RBFOX1: variants seen among roughly 807,000 people sequenced by gnomAD.
RBFOX1 encodes the protein RNA binding fox-1 homolog 1, also known as RNA binding protein fox-1 homolog 1.
In RBFOX1, 8 loss-of-function variants were observed where a neutral mutation model predicts 57.7. The observed-to-expected ratio is 0.14, with a 90% confidence interval of 0.08 to 0.25. The LOEUF is 0.25. Ranked by LOEUF, RBFOX1 falls within the 10% of genes least tolerant of loss-of-function variation. RBFOX1 has a pLI of 1.00. For synonymous variants in RBFOX1, 326 were observed against 222.4 expected (o/e 1.47, Z -4.15); for missense variants, 611 against 548.5 (o/e 1.11, Z -1.14).
chr16:6,448,098 G>A (rs887974730), intron 2 of RBFOX1, among the ~76,000 whole-genome samples: 1 of 136,788 alleles, frequency 7.3e-6, no homozygotes, highest in South Asian at 2.4e-4. Context: ...TGTTCGTTTG[G>A]TTTTTTTATA....
chr16:6,925,986 A>C (rs1201296063), intron 3 of RBFOX1, among the ~76,000 whole-genome samples: 9 of 152,118 alleles, frequency 5.9e-5, no homozygotes, highest in African/African-American at 9.7e-5. Context: ...AACCATGTCA[A>C]CCGTCAGATC....
intron 4 of RBFOX1, among the ~76,000 whole-genome samples, chr16:7,461,761 C>T (rs931085990): frequency 6.6e-6 from 1 of 152,128 alleles, no homozygotes; most frequent in Non-Finnish European, 1.5e-5. Flanking sequence ...AGTTTCCCAG[C>T]CCTCGGAGGT....
intron 3 of RBFOX1, among the ~76,000 whole-genome samples, chr16:7,049,903 AT>A (rs1463575041): frequency 4.6e-5 from 7 of 152,188 alleles, no homozygotes; most frequent in African/African-American, 1.7e-4. Context: ...TAAAGTATAC[AT>A]TTTACTGGCA....
Position 7,233,231 on chromosome 16 carries a change from C to G in RBFOX1, c.27+181133C>G, listed in dbSNP as rs76340542. Among the ~76,000 whole-genome samples the G allele has an allele frequency of 5.6e-5, 8 of 142,458 alleles. No individual in the cohort carries two copies. In the South Asian group the frequency reaches 1.7e-3, roughly 31 times the overall value. 93.5% of individuals were successfully genotyped at this position (142,458 alleles called of 152,430 possible). On this transcript the variant is annotated intron_variant, in intron 4 of 15. Transcript: ENST00000550418. ...AACTCATCCTTTTTTTTTTTTTTTCCTGATTCTTATCCCATTGACTTTGAC... is the reference window on the plus strand; with the variant it reads ...AACTCATCCTTTTTTTTTTTTTTTCGTGATTCTTATCCCATTGACTTTGAC...
intron 4 of RBFOX1, among the ~76,000 whole-genome samples, chr16:7,053,789 T>G (rs1382482): frequency 0.51 from 77,296 of 152,008 alleles, 22,591 homozygotes; most frequent in South Asian, 0.76. Flanking sequence ...GTCCCAAGTA[T>G]GGCTCCAATA....
intron 3 of RBFOX1, among the ~76,000 whole-genome samples, chr16:6,655,751 T>C (rs2098646136): frequency 6.6e-6 from 1 of 152,178 alleles, no homozygotes; most frequent in Admixed American, 6.5e-5. Context: ...TTTGACATCG[T>C]TCCACAAGTT....
intron 4 of RBFOX1, among the ~76,000 whole-genome samples, chr16:7,125,023 G>T (rs937858427): frequency 2.0e-5 from 3 of 152,130 alleles, no homozygotes; most frequent in African/African-American, 7.2e-5. Flanking sequence ...TGGGAAGGAG[G>T]GGGCCGGCTT....
chr16:6,164,900 G>A (rs1320355237), intron 1 of RBFOX1, among the ~76,000 whole-genome samples: 1 of 152,128 alleles, frequency 6.6e-6, no homozygotes, highest in African/African-American at 2.4e-5. Context: ...ATCCTACGAA[G>A]TTGAATTTTT....
intron 11 of RBFOX1, among the ~76,000 whole-genome samples, chr16:7,649,712 A>ATATTAG (rs1449718370): frequency 6.6e-6 from 1 of 152,138 alleles, no homozygotes; most frequent in Non-Finnish European, 1.5e-5. Context: ...TAGGTACCTG[A>ATATTAG]TACCTGCTTG....
At chr16:5,470,178 C>G (rs1051144221) in intron 2 of RBFOX1, among the ~76,000 whole-genome samples, 1 of 152,226 alleles carries the variant, frequency 6.6e-6, no homozygotes, top group Admixed American at 6.5e-5. Flanking sequence ...CAAGGCTGGC[C>G]TTCACCCGTG....
At chr16:6,847,160 T>C (rs1353550465) in intron 3 of RBFOX1, among the ~76,000 whole-genome samples, 1 of 152,182 alleles carries the variant, frequency 6.6e-6, no homozygotes, top group East Asian at 1.9e-4. Context: ...CCATTAAACA[T>C]AGCAACTCAA....
At chr16:7,246,902 A>G (rs2152997786) in intron 4 of RBFOX1, among the ~76,000 whole-genome samples, 1 of 151,696 alleles carries the variant, frequency 6.6e-6, no homozygotes, top group East Asian at 1.9e-4. Context: ...AAGTTATACA[A>G]CCTCCCTAAA....
chr16:7,141,012 C>G (rs544764375), intron 4 of RBFOX1, among the ~76,000 whole-genome samples: 1 of 152,124 alleles, frequency 6.6e-6, no homozygotes, highest in Non-Finnish European at 1.5e-5. Flanking sequence ...ATAATGAAGC[C>G]TCCTCCAGCT....
chr16:6,785,995 C>T (rs1240863993), intron 3 of RBFOX1, among the ~76,000 whole-genome samples: 2 of 152,204 alleles, frequency 1.3e-5, no homozygotes, highest in Non-Finnish European at 2.9e-5. Flanking sequence ...AATAGCTGCT[C>T]CTTAAACACC....
intron 3 of RBFOX1, among the ~76,000 whole-genome samples, chr16:6,833,690 C>T (rs1421466083): frequency 1.3e-5 from 2 of 152,176 alleles, no homozygotes; most frequent in Non-Finnish European, 2.9e-5. Flanking sequence ...GCCAAATAGA[C>T]ATTTGTTGTG....
rs961806288 is a variant in RBFOX1, at chr16:6,655,171, A to C, written c.-16+521A>C. Among the ~76,000 whole-genome samples, 11 of 151,644 alleles carry C rather than the reference A, an allele frequency of 7.3e-5. No individual in the cohort carries two copies. The East Asian group carries it at 1.8e-3, about 24-fold the overall frequency. On this transcript the variant is annotated intron_variant, in intron 3 of 15. Coordinates refer to ENST00000550418, the MANE Select transcript of RBFOX1 (RefSeq NM_018723.4). ...GGTGGATCATCTGAGGTCAGGAGTT[A>C]GAGACCAACCTGGCCAACATGGGGA...
At chr16:6,955,577 T>C (rs1026221458) in intron 3 of RBFOX1, among the ~76,000 whole-genome samples, 1 of 152,218 alleles carries the variant, frequency 6.6e-6, no homozygotes, top group Admixed American at 6.5e-5. Flanking sequence ...TAGTGTAATA[T>C]TGGTTTTATA....
At chr16:7,045,519 C>A (rs1039642075) in intron 3 of RBFOX1, among the ~76,000 whole-genome samples, 1 of 152,170 alleles carries the variant, frequency 6.6e-6, no homozygotes, top group African/African-American at 2.4e-5. Context: ...TAATGTGGTG[C>A]CACTTCACAT....
At chr16:6,749,501 G>A (rs2074481980) in intron 3 of RBFOX1, among the ~76,000 whole-genome samples, 1 of 152,122 alleles carries the variant, frequency 6.6e-6, no homozygotes, top group African/African-American at 2.4e-5. Flanking sequence ...TCCAGATAAG[G>A]ATACTGAGGT....
Sources: allele counts gnomAD v4.1 joint callset (sites outside exome capture counted in the v4.1 genomes callset), GRCh38; gene constraint gnomAD v4.1.1; transcripts MANE v1.5; gene names NCBI Gene and HGNC (gene_info 2026-07-23, HGNC 2026-07-21).